The following RNF220 variants were observed in gnomAD, a reference collection of about 807,000 sequenced individuals.
RNF220 encodes ring finger protein 220, also known as E3 ubiquitin-protein ligase RNF220.
RNF220 carries 7 observed loss-of-function variants against 67.1 expected under a neutral mutation model. That is an observed-to-expected ratio of 0.10 (90% CI 0.06 to 0.20). RNF220 has a LOEUF of 0.20. RNF220 is among the 10% of genes least tolerant of loss of function. The pLI, the probability that RNF220 is intolerant of heterozygous loss-of-function variation, is 1.00. For synonymous variants in RNF220, 270 were observed against 283.2 expected (o/e 0.95, Z 0.47); for missense variants, 565 against 740.3 (o/e 0.76, Z 2.75).
At position 44,454,916 on chromosome 1, in the gene RNF220, C is replaced by T. The variant is rs185801417; in HGVS notation, c.625+42194C>T. Among the ~76,000 whole-genome samples the T allele has an allele frequency of 6.8e-4, 103 of 152,024 alleles. 2 individuals are homozygous for T. In the East Asian group the frequency reaches 0.015, roughly 23 times the overall value. On this transcript the variant is annotated intron_variant, in intron 2 of 14. Transcript: ENST00000361799. ...GTAGTATTCCATTATGTGGATATAC[C>T]GCCATTTGTTTATGCGTTCACCAGT...
intron 2 of RNF220, among the ~76,000 whole-genome samples, chr1:44,597,965 CCTCTCT>C (rs370031040): frequency 7.1e-6 from 1 of 141,470 alleles, no homozygotes; most frequent in South Asian, 2.2e-4. Context: ...ACCCCACCCA[CCTCTCT>C]CTCTCTCTCT....
intron 12 of RNF220, chr1:44,648,245 T>TA (rs1281679534): frequency 6.6e-6 from 1 of 152,272 alleles, no homozygotes; most frequent in East Asian, 1.9e-4. Flanking sequence ...GCAAGCTACT[T>TA]AATCTTTCTG....
intron 2 of RNF220, among the ~76,000 whole-genome samples, chr1:44,579,618 G>A (rs955015877): frequency 4.6e-5 from 7 of 152,262 alleles, no homozygotes; most frequent in Middle Eastern, 3.4e-3. Flanking sequence ...ACACTCATCC[G>A]AGACAACCAG....
At chr1:44,529,227 A>T (rs72689708) in intron 2 of RNF220, among the ~76,000 whole-genome samples, 1 of 152,214 alleles carries the variant, frequency 6.6e-6, no homozygotes, top group Non-Finnish European at 1.5e-5. Context: ...TAAATAAGTT[A>T]TAGTATAATC....
intron 6 of RNF220, among the ~76,000 whole-genome samples, chr1:44,633,160 C>T (rs1644219906): frequency 6.6e-6 from 1 of 152,192 alleles, no homozygotes; most frequent in South Asian, 2.1e-4. Flanking sequence ...GTTTCTGCTG[C>T]CAGGCTGAGC....
intron 2 of RNF220, among the ~76,000 whole-genome samples, chr1:44,420,274 A>T (rs974968160): frequency 6.6e-6 from 1 of 152,264 alleles, no homozygotes; most frequent in African/African-American, 2.4e-5. Context: ...ACCTTTTGGT[A>T]CAGTCTTATG....
At chr1:44,591,989 G>C (rs1282603199) in intron 2 of RNF220, among the ~76,000 whole-genome samples, 2 of 152,104 alleles carry the variant, frequency 1.3e-5, no homozygotes, top group Non-Finnish European at 2.9e-5. Context: ...CCCCCATCCT[G>C]TGAGCTTCTG....
At chr1:44,502,134 G>GTCTC (rs5773837) in intron 2 of RNF220, among the ~76,000 whole-genome samples, 79 of 111,772 alleles carry the variant, frequency 7.1e-4, no homozygotes, top group Middle Eastern at 4.4e-3. Flanking sequence ...ATGATCCTTT[G>GTCTC]TCTCTCTCTC....
intron 2 of RNF220, among the ~76,000 whole-genome samples, chr1:44,570,649 T>C (rs1010028172): frequency 6.6e-6 from 1 of 152,342 alleles, no homozygotes; most frequent in Non-Finnish European, 1.5e-5. Flanking sequence ...GCATCCAGAC[T>C]TCTCCCTCCT....
At chr1:44,486,331 C>T (rs1393852106) in intron 2 of RNF220, among the ~76,000 whole-genome samples, 1 of 152,202 alleles carries the variant, frequency 6.6e-6, no homozygotes, top group Non-Finnish European at 1.5e-5. Context: ...GGGGCCAGAG[C>T]TTCAAAGTCA....
intron 2 of RNF220, among the ~76,000 whole-genome samples, chr1:44,455,421 T>C (rs1472410418): frequency 1.3e-5 from 2 of 152,280 alleles, no homozygotes; most frequent in African/African-American, 4.8e-5. Context: ...AAGGCAGCGG[T>C]GAGTGCATGG....
chr1:44,567,914 C>T (rs1484268383), intron 2 of RNF220, among the ~76,000 whole-genome samples: 1 of 152,094 alleles, frequency 6.6e-6, no homozygotes, highest in African/African-American at 2.4e-5. Flanking sequence ...AGACTCCACC[C>T]GGACTCCTGG....
intron 2 of RNF220, among the ~76,000 whole-genome samples, chr1:44,459,401 G>A (rs906325163): frequency 2.6e-5 from 4 of 151,824 alleles, no homozygotes; most frequent in Non-Finnish European, 5.9e-5. Flanking sequence ...TCTTGCCAAT[G>A]TCTTCTACCC....
In RNF220 at chr1:44,621,646, G is replaced by C. The variant is rs958264454; in HGVS notation, c.759-1096G>C. Among the ~76,000 whole-genome samples the C allele has an allele frequency of 6.6e-6, 1 of 152,058 alleles. No individual in the cohort carries two copies. The highest frequency in any genetic ancestry group is 1.5e-5 in the Non-Finnish European group (1 of 68,022). Reference sequence around the variant, plus strand: ...TGCCTGTGCTTTTGCTGGCTTGTCCGGTACGTTTGTGTCTGGCCCTGTGGG... The same window carrying C: ...TGCCTGTGCTTTTGCTGGCTTGTCCCGTACGTTTGTGTCTGGCCCTGTGGG... On this transcript the variant is annotated intron_variant, in intron 3 of 14. Coordinates refer to ENST00000361799, the MANE Select transcript of RNF220 (RefSeq NM_018150.4). This position sits in a 1 kb window ranked among gnomAD's most constrained non-coding sequence, Gnocchi z 4.8.
chr1:44,552,532 C>T (rs1662721685), intron 2 of RNF220, among the ~76,000 whole-genome samples: 1 of 148,476 alleles, frequency 6.7e-6, no homozygotes, highest in Non-Finnish European at 1.5e-5. Context: ...ACAACAAAAA[C>T]CCATCAATGG....
At chr1:44,628,132 A>G (rs1301613296) in intron 5 of RNF220, among the ~76,000 whole-genome samples, 1 of 152,194 alleles carries the variant, frequency 6.6e-6, no homozygotes, top group African/African-American at 2.4e-5. Flanking sequence ...CTGATAGGGA[A>G]CAGAGACAAG....
At chr1:44,640,041 C>T (rs370194386) in intron 8 of RNF220, among the ~76,000 whole-genome samples, 5 of 152,324 alleles carry the variant, frequency 3.3e-5, no homozygotes, top group East Asian at 1.9e-4. Context: ...CCACCCACCT[C>T]GGCCTCCCAA....
chr1:44,628,783 A>T (rs1644031162), intron 5 of RNF220, among the ~76,000 whole-genome samples: 1 of 152,124 alleles, frequency 6.6e-6, no homozygotes, highest in Non-Finnish European at 1.5e-5. Context: ...ACCCCACTAC[A>T]TCAAATTTCT....
chr1:44,510,508 T>C (rs1658897842), intron 2 of RNF220, among the ~76,000 whole-genome samples: 1 of 152,190 alleles, frequency 6.6e-6, no homozygotes, highest in Non-Finnish European at 1.5e-5. Flanking sequence ...CTTCAGTTTG[T>C]CTAATACGCA....
Sources: allele counts gnomAD v4.1 joint callset (sites outside exome capture counted in the v4.1 genomes callset), GRCh38; gene constraint gnomAD v4.1.1; non-coding constraint Gnocchi (gnomAD v3.1); transcripts MANE v1.5; gene names NCBI Gene and HGNC (gene_info 2026-07-23, HGNC 2026-07-21).